The following HTR2A variants were observed in gnomAD, a reference collection of about 807,000 sequenced individuals.
HTR2A encodes 5-HT2 receptor.
HTR2A carries 14 observed loss-of-function variants against 31.0 expected under a neutral mutation model. The observed-to-expected ratio is 0.45, with a 90% CI of 0.30 to 0.71. The LOEUF (loss-of-function observed/expected upper bound fraction) is 0.71, where lower values mean the gene tolerates loss of function less well. Ranked by LOEUF, HTR2A falls within the 30% of genes least tolerant of loss-of-function variation. The probability of loss-of-function intolerance (pLI) is 0.09; values close to 1 mark genes in which losing one functional copy is unlikely to be tolerated. For synonymous variants in HTR2A, 209 were observed against 225.2 expected, an observed-to-expected ratio of 0.93 and a Z score of 0.64; for missense variants, 442 against 573.3, an observed-to-expected ratio of 0.77 and a Z score of 2.34.
At chr13:46,883,816 C>T (rs1950985537) in intron 3 of HTR2A, among the ~76,000 whole-genome samples, 1 of 152,174 alleles carries the variant, frequency 6.6e-6, no homozygotes, top group Admixed American at 6.5e-5. Context: ...TAATCCAATG[C>T]TTCAATCTCC....
In HTR2A at chr13:46,868,712, G is replaced by A. The variant is rs1459743298; in HGVS notation, c.613+23678C>T. Among the ~76,000 whole-genome samples the A allele has an allele frequency of 2.0e-5, 3 of 152,000 alleles. No individual in the cohort carries two copies. In the East Asian group the frequency reaches 5.8e-4, roughly 29 times the overall value. Reference sequence around the variant, plus strand: ...TGGGCAATTCCCAAAGGAAGTCTAGGGCAGTTTTTCATCCTTGAAGCATCT... The same window carrying A: ...TGGGCAATTCCCAAAGGAAGTCTAGAGCAGTTTTTCATCCTTGAAGCATCT... On this transcript the variant is annotated intron_variant, in intron 3 of 3. Transcript: ENST00000542664.
At chr13:46,869,599 A>C (rs527955455) in intron 3 of HTR2A, among the ~76,000 whole-genome samples, 2 of 152,274 alleles carry the variant, frequency 1.3e-5, no homozygotes, top group Non-Finnish European at 2.9e-5. Flanking sequence ...AATTAAAAAC[A>C]GGTTATTAAT....
At chr13:46,836,004 T>C (rs1396904776) in intron 3 of HTR2A, among the ~76,000 whole-genome samples, 2 of 152,016 alleles carry the variant, frequency 1.3e-5, no homozygotes, top group African/African-American at 4.8e-5. Context: ...ATAGCCACAA[T>C]TAACAACTGA....
At chr13:46,885,014 T>C (rs1405116669) in intron 3 of HTR2A, among the ~76,000 whole-genome samples, 1 of 152,190 alleles carries the variant, frequency 6.6e-6, no homozygotes, top group Non-Finnish European at 1.5e-5. Flanking sequence ...CTCCAGTAGA[T>C]GCCTGAAACC....
chr13:46,892,705 A>G, intron 2 of HTR2A, 115 bp from the exon 3 acceptor site: 1 of 769,144 alleles, frequency 1.3e-6, no homozygotes, highest in Non-Finnish European at 2.2e-6. Context: ...GCAAAGGGCA[A>G]CACAATATAT....
intron 3 of HTR2A, among the ~76,000 whole-genome samples, chr13:46,888,669 T>C (rs1457593007): frequency 3.3e-5 from 5 of 152,154 alleles, no homozygotes; most frequent in African/African-American, 1.2e-4. Context: ...GGGGTTAATA[T>C]GTGAGAAATA....
In HTR2A at chr13:46,895,682, G is replaced by GT; in HGVS notation, c.224dup (p.Asn75LysfsTer46). ...CTACGGCTGTCAGTAAAGCAGACCA[G>GT]TTTTTTTCCTGGAGATGAAGTAAGG... On this transcript the variant is annotated frameshift_variant, in exon 2 of 4. Transcript: ENST00000542664. LOFTEE classifies it high-confidence loss of function. This position sits in a 1 kb window ranked among gnomAD's most constrained non-coding sequence, Gnocchi z 4.4. 6.2e-7 allele frequency: 1 copy of GT among 1,614,046 alleles called. No homozygotes were observed. Among genetic ancestry groups the GT allele is most frequent in the Non-Finnish European group, 8.5e-7 (1 of 1,179,966 alleles).
At chr13:46,867,905 GAT>G (rs1202241530) in intron 3 of HTR2A, among the ~76,000 whole-genome samples, 1 of 148,510 alleles carries the variant, frequency 6.7e-6, no homozygotes, top group African/African-American at 2.4e-5. Flanking sequence ...TATGATTTGA[GAT>G]AGAGATTTTT....
At position 46,863,657 on chromosome 13, in the gene HTR2A, A is replaced by AAAAAAAAAAAAAAAG. The variant is rs1566309853; in HGVS notation, c.614-28019_614-28018insCTTTTTTTTTTTTTT. Among the ~76,000 whole-genome samples, 13 of 118,236 alleles carry AAAAAAAAAAAAAAAG rather than the reference A, an allele frequency of 1.1e-4. 1 individual carries two copies. Among genetic ancestry groups the AAAAAAAAAAAAAAAG allele is most frequent in the East Asian group, 2.5e-4 (1 of 3,996 alleles). 77.6% of individuals were successfully genotyped at this position (118,236 alleles called of 152,430 possible). On this transcript the variant is annotated intron_variant, in intron 3 of 3. Coordinates refer to ENST00000542664, the MANE Select transcript of HTR2A (RefSeq NM_000621.5). ...AAAAAAAAAAAAAAAAAAGAAAAAA[A>AAAAAAAAAAAAAAAG]AAAAAGACAGTCATATGAAAAAAGC...
At chr13:46,856,206 A>G (rs1302855139) in intron 3 of HTR2A, 1 of 152,346 alleles carries the variant, frequency 6.6e-6, no homozygotes, top group South Asian at 2.1e-4. Flanking sequence ...AAAATTCATT[A>G]CAATACAAAG....
At chr13:46,894,271 C>T (rs991307185) in intron 2 of HTR2A, among the ~76,000 whole-genome samples, 3 of 152,128 alleles carry the variant, frequency 2.0e-5, no homozygotes, top group African/African-American at 7.2e-5. Context: ...AAGCGGGTGA[C>T]GCCGGGGGTC....
At chr13:46,897,573 A>G (rs778045336), upstream of HTR2A, among the ~76,000 whole-genome samples, 6 of 152,184 alleles carry the variant, frequency 3.9e-5, no homozygotes, top group Non-Finnish European at 8.8e-5. Flanking sequence ...TTGGTTTCGC[A>G]GTACCAATTT....
intron 3 of HTR2A, among the ~76,000 whole-genome samples, chr13:46,862,399 C>T (rs1430953547): frequency 6.6e-6 from 1 of 152,044 alleles, no homozygotes; most frequent in Non-Finnish European, 1.5e-5. Context: ...AACATATGGG[C>T]CTGTTCTATG....
rs1214077756 is a variant in HTR2A, at chr13:46,896,215, C to A, written c.-309G>T. The A allele has an allele frequency of 8.7e-7, 1 of 1,146,652 alleles. No homozygotes were observed. Among genetic ancestry groups the A allele is most frequent in the Non-Finnish European group, 1.1e-6 (1 of 934,754 alleles). 71.0% of individuals were successfully genotyped at this position (1,146,652 alleles called of 1,614,324 possible). On this transcript the variant is annotated 5_prime_UTR_variant, in exon 2 of 4. Coordinates refer to ENST00000542664, the MANE Select transcript of HTR2A (RefSeq NM_000621.5). ...TAGAGGTTGCAGGGTTTTTTTTGAG[C>A]GCTCGGGAAGATAAATGTCCTGGAC...
intron 3 of HTR2A, among the ~76,000 whole-genome samples, chr13:46,885,452 G>A (rs924964748): frequency 6.6e-6 from 1 of 152,164 alleles, no homozygotes; most frequent in African/African-American, 2.4e-5. Context: ...ACTGGATAAT[G>A]GAAACAACTG....
chr13:46,849,198 T>C lies in HTR2A; in HGVS notation c.614-13559A>G, dbSNP rs150795694. On this transcript the variant is annotated intron_variant, in intron 3 of 3. Coordinates refer to ENST00000542664, the MANE Select transcript of HTR2A (RefSeq NM_000621.5). ...GGAGTCTCTTTCCATTATCCTGCCT[T>C]TGCAAAAGACTCACCAGCATTCTAA... Among the ~76,000 whole-genome samples the C allele has an allele frequency of 8.3e-3, 1,262 of 152,332 alleles. 11 individuals are homozygous for C. Among genetic ancestry groups the C allele is most frequent in the African/African-American group, 0.028 (1,176 of 41,568 alleles).
At chr13:46,837,035 G>T (rs76526553) in intron 3 of HTR2A, among the ~76,000 whole-genome samples, 2,925 of 152,234 alleles carry the variant, frequency 0.019, 87 homozygotes, top group African/African-American at 0.062. Flanking sequence ...GGGAACATGG[G>T]CCTATATGGT....
intron 3 of HTR2A, among the ~76,000 whole-genome samples, chr13:46,878,894 A>G (rs1486610789): frequency 6.6e-6 from 1 of 152,236 alleles, no homozygotes; most frequent in African/African-American, 2.4e-5. Context: ...GAAAAAAATC[A>G]GAATTACTGA....
intron 3 of HTR2A, among the ~76,000 whole-genome samples, chr13:46,862,879 C>T (rs1950791094): frequency 6.6e-6 from 1 of 152,204 alleles, no homozygotes; most frequent in African/African-American, 2.4e-5. Context: ...TGCTTAGACT[C>T]TTCAGGCACT....
Sources: gnomAD v4.1 joint callset for allele counts (sites outside exome capture counted in the v4.1 genomes callset) on GRCh38, gnomAD v4.1.1 for gene constraint, Gnocchi (gnomAD v3.1) non-coding constraint, MANE v1.5 for transcripts, NCBI Gene and HGNC (gene_info 2026-07-23, HGNC 2026-07-21) for gene names.